CHAF1A: variants seen among roughly 807,000 people sequenced by gnomAD.
CHAF1A encodes the protein chromatin assembly factor 1 subunit A.
CHAF1A carries 5 observed loss-of-function variants against 93.2 expected under a neutral mutation model. That is an observed-to-expected ratio of 0.05 (90% CI 0.03 to 0.11). CHAF1A has a LOEUF of 0.11. Ranked by LOEUF, CHAF1A falls within the 10% of genes least tolerant of loss-of-function variation. The probability of loss-of-function intolerance (pLI) is 1.00; values close to 1 mark genes in which losing one functional copy is unlikely to be tolerated. For synonymous variants in CHAF1A, 504 were observed against 510.3 expected (o/e 0.99, Z 0.17); for missense variants, 1,102 against 1,259.9 (o/e 0.87, Z 1.90).
At chr19:4,411,807 C>A (rs907433152) in intron 3 of CHAF1A, among the ~76,000 whole-genome samples, 22 of 151,758 alleles carry the variant, frequency 1.4e-4, no homozygotes, top group Admixed American at 4.6e-4. Context: ...ACCACCACGC[C>A]TGGCTAATTT....
At chr19:4,445,365 T>C, downstream of CHAF1A, 1 of 1,446,312 alleles carries the variant, frequency 6.9e-7, no homozygotes, top group Non-Finnish European at 9.4e-7. Context: ...GCTCCACGGC[T>C]GGCGCCCCTC....
chr19:4,429,681 G>A, intron 9 of CHAF1A, 27 bp from the exon 10 acceptor site: 1 of 1,613,990 alleles, frequency 6.2e-7, no homozygotes. Flanking sequence ...AAAGACAGTT[G>A]TGAGTCCCAT....
rs771062857 is a variant in CHAF1A at position 4,433,455 on chromosome 19, G to A, written c.2589G>A (p.Gln863=). ...GCGTCCCCTCCACGGGGCCCAGCCAGGGCACTCCCATCTCGCTGAAGAGGA... is the reference window on the plus strand; with the variant it reads ...GCGTCCCCTCCACGGGGCCCAGCCAAGGCACTCCCATCTCGCTGAAGAGGA... ...SGSVPSTGPS[Q]GTPISLKRKS... is the part of the protein sequence containing the mutation. Residue 863 remains glutamine, a synonymous_variant, in exon 13 of 15, where the codon CAG becomes CAA. Coordinates refer to ENST00000301280, the MANE Select transcript of CHAF1A (RefSeq NM_005483.3). The surrounding 1 kb of genome is among the most constrained non-coding windows in gnomAD (Gnocchi z 5.6). 6.2e-7 allele frequency: 1 copy of A among 1,604,860 alleles called. No individual in the cohort carries two copies. The highest frequency in any genetic ancestry group is 8.5e-7 in the Non-Finnish European group (1 of 1,172,640).
At chr19:4,437,376 G>A (rs564633472) in intron 13 of CHAF1A, among the ~76,000 whole-genome samples, 4 of 152,110 alleles carry the variant, frequency 2.6e-5, no homozygotes, top group South Asian at 4.2e-4. Context: ...TTTTGACAGG[G>A]TCTCACTCTG....
At position 4,422,858 on chromosome 19, in the gene CHAF1A, C is replaced by G. The variant is rs1974015117; in HGVS notation, c.1247+63C>G. 6.8e-7 allele frequency: 1 copy of G among 1,474,862 alleles called. No homozygotes were observed. Among genetic ancestry groups the G allele is most frequent in the South Asian group, 1.2e-5 (1 of 85,604 alleles). The allele number at this position is 1,474,862 out of a possible 1,614,324, so 91.4% of individuals were successfully genotyped here. ...TGCTGCTGGATTCCGCTCCTGGCCA[C>G]TCTGATGGGGCCTTTCCACTTCACA... On this transcript the variant is annotated intron_variant, in intron 5 of 14. Coordinates refer to ENST00000301280, the MANE Select transcript of CHAF1A (RefSeq NM_005483.3). This position sits in a 1 kb window ranked among gnomAD's most constrained non-coding sequence, Gnocchi z 4.6.
chr19:4,444,339 G>A (rs1428873852), downstream of CHAF1A, among the ~76,000 whole-genome samples: 4 of 152,028 alleles, frequency 2.6e-5, no homozygotes, highest in Non-Finnish European at 4.4e-5. Flanking sequence ...CTGCAGGGCA[G>A]AGTCCCTGTG....
intron 2 of CHAF1A, among the ~76,000 whole-genome samples, chr19:4,408,126 C>T (rs1973714754): frequency 6.6e-6 from 1 of 151,286 alleles, no homozygotes; most frequent in Non-Finnish European, 1.5e-5. Context: ...CCTGCCTCAG[C>T]CTCCCGAAGT....
At chr19:4,447,644 G>T (rs115616812), downstream of CHAF1A, 3,189 of 1,613,598 alleles carry the variant, frequency 2.0e-3, 49 homozygotes, top group African/African-American at 0.033. Context: ...GGTGGAGAAG[G>T]TGAGTGGGGC....
Position 4,402,647 on chromosome 19 carries a change from G to T in CHAF1A, c.-116G>T. On this transcript the variant is annotated 5_prime_UTR_variant, in exon 1 of 15. Coordinates refer to ENST00000301280, the MANE Select transcript of CHAF1A (RefSeq NM_005483.3). ...GGTCGCCGCGGTTCCCGCCAAATAC[G>T]AGCGCGGCGGCCGCGGCGGCAGCAG... 3.2e-6 allele frequency: 2 copies of T among 625,768 alleles called. No homozygotes were observed. The highest frequency in any genetic ancestry group is 7.7e-5 in the South Asian group (1 of 13,042). 38.8% of individuals were successfully genotyped at this position (625,768 alleles called of 1,614,324 possible). A position where few individuals can be genotyped will look rare whatever the true frequency, so the allele number is the denominator to read the frequency against.
At chr19:4,430,524 A>G in intron 10 of CHAF1A, 25 bp from the exon 11 acceptor site, 1 of 1,489,474 alleles carries the variant, frequency 6.7e-7, no homozygotes, top group Non-Finnish European at 9.4e-7. Flanking sequence ...TATCTGATGA[A>G]CTCTTTTTTT....
intron 1 of CHAF1A, among the ~76,000 whole-genome samples, chr19:4,405,305 T>C (rs1222689991): frequency 1.3e-5 from 2 of 152,118 alleles, no homozygotes; most frequent in Non-Finnish European, 2.9e-5. Flanking sequence ...GACATGACAG[T>C]GTCTAGGGTA....
downstream of CHAF1A, chr19:4,446,288 A>G (rs756616365): frequency 2.5e-5 from 40 of 1,572,672 alleles, no homozygotes; most frequent in Non-Finnish European, 3.1e-5. Flanking sequence ...CCCACCCTGC[A>G]GGAGGCAGCC....
downstream of CHAF1A, chr19:4,448,598 G>T (rs1173468805): frequency 1.3e-5 from 8 of 608,064 alleles, no homozygotes; most frequent in Non-Finnish European, 2.3e-5. Context: ...CCACGCCCCA[G>T]GGCAGAGGCG....
intron 3 of CHAF1A, among the ~76,000 whole-genome samples, chr19:4,411,644 C>CTTTTTTTTTTGTTTTTTTTTTTTTTTTT (rs1973802442): frequency 2.1e-5 from 1 of 48,204 alleles, no homozygotes; most frequent in Non-Finnish European, 4.1e-5. Context: ...TGGTGCAAAT[C>CTTTTTTTTTTGTTTTTTTTTTTTTTTTT]TTTTTTTTTT....
At chr19:4,406,030 C>A in intron 2 of CHAF1A, 68 bp downstream of exon 2, 1 of 1,291,636 alleles carries the variant, frequency 7.7e-7, no homozygotes, top group Non-Finnish European at 1.1e-6. Context: ...TTGTTGGAGA[C>A]CTCAGTGGAA....
At position 4,408,964 on chromosome 19, in the gene CHAF1A, C is replaced by A; in HGVS notation, c.165C>A (p.Asp55Glu). ...VPKGKADDMS[D>E]DQGTSVQSKS... ...AGGGGAAAGCCGATGACATGTCAGA[C>A]GATCAGGGTACTTCTGTGCAAAGTA... The change falls in exon 3 of 15, where the codon GAC becomes GAA. Residue 55 changes from aspartate (D) to glutamate (E), a missense_variant. Physicochemically the swap from Asp to Glu is conservative, Grantham distance 45. This residue lies in a region of CHAF1A where 379 missense variants were observed against 365.7 expected (regional missense o/e 1.04). Coordinates refer to ENST00000301280, the MANE Select transcript of CHAF1A (RefSeq NM_005483.3). 21 of 1,613,862 alleles carry A rather than the reference C, an allele frequency of 1.3e-5. No homozygotes were observed. Among genetic ancestry groups the A allele is most frequent in the Non-Finnish European group, 1.8e-5 (21 of 1,179,958 alleles).
chr19:4,407,247 C>CAAAA (rs5826845), intron 2 of CHAF1A, among the ~76,000 whole-genome samples: 2 of 143,392 alleles, frequency 1.4e-5, no homozygotes, highest in African/African-American at 2.6e-5. Flanking sequence ...ACACCCCCCC[C>CAAAA]AAAAAAAAAC....
chr19:4,419,587 G>A (rs575258005), intron 4 of CHAF1A, among the ~76,000 whole-genome samples: 1 of 152,036 alleles, frequency 6.6e-6, no homozygotes, highest in Admixed American at 6.6e-5. Flanking sequence ...GAGCCACCAC[G>A]CCTGGATAAT....
downstream of CHAF1A, chr19:4,447,758 G>T (rs1293752408): frequency 4.7e-6 from 4 of 857,588 alleles, no homozygotes; most frequent in South Asian, 2.8e-5. Flanking sequence ...GCCCAGTGAC[G>T]CGAGGGCAGC....
Sources: allele counts gnomAD v4.1 joint callset (sites outside exome capture counted in the v4.1 genomes callset), GRCh38; gene constraint gnomAD v4.1.1; regional missense constraint gnomAD v4.1.1; non-coding constraint Gnocchi (gnomAD v3.1); transcripts MANE v1.5; gene names NCBI Gene and HGNC (gene_info 2026-07-23, HGNC 2026-07-21).